ELP4: variants seen among roughly 807,000 people sequenced by gnomAD.
ELP4 encodes the protein elongator acetyltransferase complex subunit 4, also known as elongator complex protein 4.
In ELP4, 51 loss-of-function variants were observed where a neutral mutation model predicts 48.9. That is an observed-to-expected ratio of 1.04 (90% confidence interval 0.83 to 1.32). The LOEUF (loss-of-function observed/expected upper bound fraction) is 1.32. Among genes scored for constraint, ELP4 ranks in the 40% most tolerant of loss-of-function variants. The probability of loss-of-function intolerance (pLI) is 0.00; values close to 1 mark genes in which losing one functional copy is unlikely to be tolerated. For synonymous variants in ELP4, 210 were observed against 189.2 expected (o/e 1.11, Z -0.90); for missense variants, 519 against 514.6 (o/e 1.01, Z -0.08).
intron 9 of ELP4, chr11:31,763,552 A>T: frequency 1.3e-6 from 2 of 1,591,538 alleles, no homozygotes; most frequent in Non-Finnish European, 1.7e-6. Context: ...TGCAAAGGGT[A>T]TGGGCTTTCC....
intron 9 of ELP4, among the ~76,000 whole-genome samples, chr11:31,721,450 G>T (rs1396795188): frequency 6.6e-6 from 1 of 151,268 alleles, no homozygotes; most frequent in African/African-American, 2.4e-5. Context: ...CACAACACTA[G>T]TGGATTTTGG....
At chr11:31,664,037 C>T (rs1354052364) in intron 9 of ELP4, 1 of 152,024 alleles carries the variant, frequency 6.6e-6, no homozygotes, top group Non-Finnish European at 1.5e-5. Context: ...ACAAAAAGAA[C>T]TCAATGTAGT....
chr11:31,762,725 A>G (rs988416765), intron 9 of ELP4, among the ~76,000 whole-genome samples: 6 of 151,676 alleles, frequency 4.0e-5, no homozygotes, highest in East Asian at 3.9e-4. Flanking sequence ...ATTTTTTTAT[A>G]TATTAATTTG....
chr11:31,633,412 A>G (rs1042261037), intron 7 of ELP4: 1 of 152,086 alleles, frequency 6.6e-6, no homozygotes, highest in Non-Finnish European at 1.5e-5. Flanking sequence ...GCAAGTCCCC[A>G]TCTCTACAAA....
chr11:31,704,583 A>G (rs1162969391), intron 9 of ELP4, among the ~76,000 whole-genome samples: 1 of 152,186 alleles, frequency 6.6e-6, no homozygotes, highest in Non-Finnish European at 1.5e-5. Flanking sequence ...ACATGTATAT[A>G]TATGTAACAA....
chr11:31,620,849 G>T (rs560517949), intron 5 of ELP4, among the ~76,000 whole-genome samples: 1 of 151,842 alleles, frequency 6.6e-6, no homozygotes, highest in Non-Finnish European at 1.5e-5. Context: ...TGGCTCAGAG[G>T]TTTCTGCTGG....
chr11:31,654,501 T>G (rs910492771), intron 9 of ELP4: 1 of 151,820 alleles, frequency 6.6e-6, no homozygotes, highest in African/African-American at 2.4e-5. Flanking sequence ...TTATTTTTTA[T>G]GTACTCATGT....
At chr11:31,747,419 A>G (rs922706761) in intron 9 of ELP4, among the ~76,000 whole-genome samples, 4 of 152,012 alleles carry the variant, frequency 2.6e-5, no homozygotes, top group African/African-American at 9.7e-5. Flanking sequence ...TGGAGAGGGG[A>G]GGGTGGAGGG....
chr11:31,711,118 T>C (rs1946734556), intron 9 of ELP4, among the ~76,000 whole-genome samples: 1 of 152,222 alleles, frequency 6.6e-6, no homozygotes, highest in African/African-American at 2.4e-5. Flanking sequence ...TGAAAGTCTT[T>C]TATATTACGC....
At chr11:31,662,227 TA>T (rs1464939361) in intron 9 of ELP4, among the ~76,000 whole-genome samples, 3 of 152,258 alleles carry the variant, frequency 2.0e-5, no homozygotes, top group African/African-American at 7.2e-5. Context: ...CATGTAAAGA[TA>T]TTTTGGAAAT....
At chr11:31,619,150 C>G (rs1459766087) in intron 5 of ELP4, among the ~76,000 whole-genome samples, 2 of 151,366 alleles carry the variant, frequency 1.3e-5, no homozygotes, top group Admixed American at 6.6e-5. Flanking sequence ...GGAGAGATAA[C>G]GATATGTTTA....
intron 9 of ELP4, among the ~76,000 whole-genome samples, chr11:31,694,824 T>C (rs535672972): frequency 3.3e-5 from 5 of 152,168 alleles, no homozygotes; most frequent in African/African-American, 7.2e-5. Flanking sequence ...TTTTTATCCT[T>C]TTTTATTTCA....
intron 3 of ELP4, among the ~76,000 whole-genome samples, chr11:31,564,869 T>A (rs1384089301): frequency 6.6e-6 from 1 of 152,236 alleles, no homozygotes; most frequent in African/African-American, 2.4e-5. Context: ...CAGCATGATT[T>A]ATAATCCTTT....
chr11:31,736,128 C>A (rs887429537), intron 9 of ELP4, among the ~76,000 whole-genome samples: 40 of 152,152 alleles, frequency 2.6e-4, no homozygotes, highest in African/African-American at 8.9e-4. Context: ...CAAAACAGAG[C>A]TGTAGACCAA....
chr11:31,631,418 T>G (rs113953522), intron 6 of ELP4, among the ~76,000 whole-genome samples: 51 of 152,286 alleles, frequency 3.3e-4, no homozygotes, highest in African/African-American at 1.2e-3. Flanking sequence ...TGTTAACGCC[T>G]TCTTCTTTTG....
intron 5 of ELP4, among the ~76,000 whole-genome samples, chr11:31,605,848 G>T (rs1459633488): frequency 6.6e-6 from 1 of 151,998 alleles, no homozygotes; most frequent in Non-Finnish European, 1.5e-5. Flanking sequence ...AGCAATTTCA[G>T]GTTAGAGTTG....
At chr11:31,629,566 A>G (rs1327962746) in intron 6 of ELP4, among the ~76,000 whole-genome samples, 2 of 151,984 alleles carry the variant, frequency 1.3e-5, no homozygotes, top group African/African-American at 2.4e-5. Context: ...TGTCAGAGTC[A>G]TTAAACCTCT....
chr11:31,662,085 CA>C (rs1268919978), intron 9 of ELP4, among the ~76,000 whole-genome samples: 2 of 151,808 alleles, frequency 1.3e-5, no homozygotes, highest in African/African-American at 2.4e-5. Flanking sequence ...CATTCTGATC[CA>C]AACAGAAATT....
At chr11:31,752,990 A>G (rs1305609144) in intron 9 of ELP4, among the ~76,000 whole-genome samples, 1 of 152,182 alleles carries the variant, frequency 6.6e-6, no homozygotes, top group East Asian at 1.9e-4. Context: ...TAGCCTGTCT[A>G]TATTACGGTT....
Sources: allele counts gnomAD v4.1 joint callset (sites outside exome capture counted in the v4.1 genomes callset), GRCh38; gene constraint gnomAD v4.1.1; transcripts MANE v1.5; gene names NCBI Gene and HGNC (gene_info 2026-07-23, HGNC 2026-07-21).